The following STUM variants were observed in gnomAD, a reference collection of about 807,000 sequenced individuals.
STUM encodes protein stum homolog.
STUM carries 8 observed loss-of-function variants against 15.3 expected under a neutral mutation model. That is an observed-to-expected ratio of 0.52 (90% CI 0.31 to 0.94). The LOEUF (loss-of-function observed/expected upper bound fraction) is 0.94. STUM is among the 40% of genes least tolerant of loss of function. The probability of loss-of-function intolerance (pLI) is 0.05; values close to 1 mark genes in which losing one functional copy is unlikely to be tolerated. For synonymous variants in STUM, 78 were observed against 88.7 expected, an observed-to-expected ratio of 0.88 and a Z score of 0.68; for missense variants, 142 against 204.9, an observed-to-expected ratio of 0.69 and a Z score of 1.87.
rs1300261339 is a variant in STUM at position 226,606,883 on chromosome 1, T to A, written c.*4843T>A. The stretch of plus-strand genomic sequence containing the variant: ...CACCTCCCTGCTTTGCATTAACTCA[T>A]CAGCAAGCTCATCGAGAGCTAACGT... On this transcript the variant is annotated 3_prime_UTR_variant, in exon 4 of 4. Transcript: ENST00000366788. The A allele has an allele frequency of 6.6e-6, 1 of 152,282 alleles. No homozygotes were observed. The highest frequency in any genetic ancestry group is 2.4e-5 in the African/African-American group (1 of 41,460). 9.4% of individuals were successfully genotyped at this position (152,282 alleles called of 1,614,324 possible). A position where few individuals can be genotyped will look rare whatever the true frequency, so the allele number is the denominator to read the frequency against.
At chr1:226,578,482 C>T (rs1163681613) in intron 1 of STUM, among the ~76,000 whole-genome samples, 1 of 150,746 alleles carries the variant, frequency 6.6e-6, no homozygotes, top group East Asian at 2.0e-4. Flanking sequence ...CCTCCCACCT[C>T]AGCCTCCAGA....
At chr1:226,580,029 T>C (rs1451830146) in intron 1 of STUM, among the ~76,000 whole-genome samples, 2 of 152,154 alleles carry the variant, frequency 1.3e-5, no homozygotes, top group Non-Finnish European at 2.9e-5. Context: ...GTGGGAGACC[T>C]GTAAGGAGGC....
rs1376938026 is a variant in STUM, at chr1:226,565,469, C to T, written c.202+16363C>T. Among the ~76,000 whole-genome samples, 1 of 152,176 alleles carries T rather than the reference C, an allele frequency of 6.6e-6. No homozygotes were observed. Among genetic ancestry groups the T allele is most frequent in the Non-Finnish European group, 1.5e-5 (1 of 68,024 alleles). ...CTGCTCCCCCACCGTCACTTCTCAT[C>T]CCACCCACCTCCACCTGGTTTTCCT... is the stretch of plus-strand genomic sequence containing the variant. On this transcript the variant is annotated intron_variant, in intron 1 of 3. Coordinates refer to ENST00000366788, the MANE Select transcript of STUM (RefSeq NM_001003665.4). The surrounding 1 kb of genome is among the most constrained non-coding windows in gnomAD (Gnocchi z 4.4).
chr1:226,558,092 C>A (rs546028599), intron 1 of STUM, among the ~76,000 whole-genome samples: 4 of 152,306 alleles, frequency 2.6e-5, no homozygotes, highest in African/African-American at 9.6e-5. Flanking sequence ...AGGATGCCCA[C>A]TTTTGCCACT....
rs1448786352 is a variant in STUM at position 226,552,391 on chromosome 1, C to T, written c.202+3285C>T. 2.0e-5 allele frequency among the ~76,000 whole-genome samples: 3 copies of T among 152,174 alleles called. No homozygotes were observed. The East Asian group carries it at 5.8e-4, about 29-fold the overall frequency. On this transcript the variant is annotated intron_variant, in intron 1 of 3. Transcript: ENST00000366788. This position sits in a 1 kb window ranked among gnomAD's most constrained non-coding sequence, Gnocchi z 4.7. Reference sequence around the variant, plus strand: ...CTACTAATAAAGACCACCGTTGGTACCTTCATGTTCCAACAATTAGGGTGT... The same window carrying T: ...CTACTAATAAAGACCACCGTTGGTATCTTCATGTTCCAACAATTAGGGTGT...
At chr1:226,582,020 T>C (rs1667925785) in intron 1 of STUM, among the ~76,000 whole-genome samples, 1 of 152,160 alleles carries the variant, frequency 6.6e-6, no homozygotes, top group South Asian at 2.1e-4. Flanking sequence ...TGTCTGGCCC[T>C]CCTCTTCCAG....
In STUM at chr1:226,602,160, G is replaced by C. The variant is rs1668279208; in HGVS notation, c.*120G>C. Reference sequence around the variant, plus strand: ...ATTTTCTGGACTGGGGGTGGAAAGGGGGTATTTTTAAAAATATTATTTATT... The same window carrying C: ...ATTTTCTGGACTGGGGGTGGAAAGGCGGTATTTTTAAAAATATTATTTATT... On this transcript the variant is annotated 3_prime_UTR_variant, in exon 4 of 4. Coordinates refer to ENST00000366788, the MANE Select transcript of STUM (RefSeq NM_001003665.4). 2.8e-6 allele frequency: 2 copies of C among 705,772 alleles called. No individual in the cohort carries two copies. The highest frequency in any genetic ancestry group is 3.6e-5 in the African/African-American group (2 of 55,468). 43.7% of individuals were successfully genotyped at this position (705,772 alleles called of 1,614,324 possible). A position where few individuals can be genotyped will look rare whatever the true frequency, so the allele number is the denominator to read the frequency against.
intron 1 of STUM, among the ~76,000 whole-genome samples, chr1:226,582,014 T>C (rs1303750727): frequency 6.6e-6 from 1 of 152,192 alleles, no homozygotes; most frequent in Non-Finnish European, 1.5e-5. Flanking sequence ...TTGACATGTC[T>C]GGCCCTCCTC....
At chr1:226,564,646 A>G (rs1667592880) in intron 1 of STUM, among the ~76,000 whole-genome samples, 1 of 152,066 alleles carries the variant, frequency 6.6e-6, no homozygotes, top group Non-Finnish European at 1.5e-5. Context: ...TATCTCTTTG[A>G]TTATACCTTT....
At chr1:226,554,546 C>T (rs548131619) in intron 1 of STUM, among the ~76,000 whole-genome samples, 9 of 152,196 alleles carry the variant, frequency 5.9e-5, no homozygotes, top group South Asian at 2.1e-4. Flanking sequence ...AGTAAAAGTG[C>T]GCTGAGGGGT....
chr1:226,574,807 C>G (rs1194194577), intron 1 of STUM, among the ~76,000 whole-genome samples: 1 of 152,108 alleles, frequency 6.6e-6, no homozygotes, highest in Non-Finnish European at 1.5e-5. Flanking sequence ...GTGGAGACAG[C>G]TTTGCAAGAG....
chr1:226,606,181 C>T lies in STUM; in HGVS notation c.*4141C>T, dbSNP rs553273683. ...CCCCAGGACCGGGTCAAAGGCCTTC[C>T]GAAGGCCCGAGGTTCTTGAGGAGGG... On this transcript the variant is annotated 3_prime_UTR_variant, in exon 4 of 4. Transcript: ENST00000366788. 5.6e-5 allele frequency: 7 copies of T among 124,072 alleles called. No individual in the cohort carries two copies. The South Asian group carries it at 1.4e-3, about 26-fold the overall frequency. The allele number at this position is 124,072 out of a possible 1,614,324, so 7.7% of individuals were successfully genotyped here.
At chr1:226,551,337 T>A (rs918862584) in intron 1 of STUM, among the ~76,000 whole-genome samples, 3 of 152,196 alleles carry the variant, frequency 2.0e-5, no homozygotes, top group African/African-American at 7.2e-5. Context: ...CATCTCTGGG[T>A]GGGGGTCGCT....
intron 1 of STUM, among the ~76,000 whole-genome samples, chr1:226,587,370 A>G (rs1668013440): frequency 6.6e-6 from 1 of 152,120 alleles, no homozygotes; most frequent in African/African-American, 2.4e-5. Flanking sequence ...TGTGGCATCC[A>G]AGAAGGCTCC....
At chr1:226,597,868 A>G (rs1278216427) in intron 2 of STUM, among the ~76,000 whole-genome samples, 1 of 152,166 alleles carries the variant, frequency 6.6e-6, no homozygotes, top group Non-Finnish European at 1.5e-5. Context: ...GGTCTCCCAG[A>G]ATCAGAGCAA....
intron 1 of STUM, among the ~76,000 whole-genome samples, chr1:226,588,226 A>G (rs914922683): frequency 1.3e-5 from 2 of 152,182 alleles, no homozygotes; most frequent in Non-Finnish European, 2.9e-5. Context: ...TTCTAGGGGA[A>G]TGACTCGGTG....
rs183030644 is a variant in STUM, at chr1:226,581,129, C to A, written c.203-15673C>A. On this transcript the variant is annotated intron_variant, in intron 1 of 3. Coordinates refer to ENST00000366788, the MANE Select transcript of STUM (RefSeq NM_001003665.4). The stretch of plus-strand genomic sequence containing the variant: ...CAGCTGGATTTAGTTTGGAGATGAC[C>A]CAGACGTTTCACACATGTATCACTT... 5.4e-3 allele frequency among the ~76,000 whole-genome samples: 818 copies of A among 152,296 alleles called. 5 individuals carry two copies. The highest frequency in any genetic ancestry group is 7.9e-3 in the Non-Finnish European group (535 of 68,030).
chr1:226,557,765 A>G (rs1667470480), intron 1 of STUM, among the ~76,000 whole-genome samples: 1 of 152,246 alleles, frequency 6.6e-6, no homozygotes, highest in East Asian at 1.9e-4. Context: ...ACCAAATTCC[A>G]CAGTGCATTA....
rs980835908 is a variant in STUM at position 226,584,379 on chromosome 1, A to G, written c.203-12423A>G. Among the ~76,000 whole-genome samples, 7 of 152,382 alleles carry G rather than the reference A, an allele frequency of 4.6e-5. No individual in the cohort carries two copies. In the Middle Eastern group the frequency reaches 0.01, roughly 222 times the overall value. On this transcript the variant is annotated intron_variant, in intron 1 of 3. Transcript: ENST00000366788. Reference sequence around the variant, plus strand: ...AGTTTGTTAAGGCCTGAGCCAGGAAACTGGCACAGTGCCACTTCTGTTATA... The same window carrying G: ...AGTTTGTTAAGGCCTGAGCCAGGAAGCTGGCACAGTGCCACTTCTGTTATA...
Sources: allele counts gnomAD v4.1 joint callset (sites outside exome capture counted in the v4.1 genomes callset), GRCh38; gene constraint gnomAD v4.1.1; non-coding constraint Gnocchi (gnomAD v3.1); transcripts MANE v1.5; gene names NCBI Gene and HGNC (gene_info 2026-07-23, HGNC 2026-07-21).